The following TRIM42 variants were observed in gnomAD, a reference collection of about 807,000 sequenced individuals.
The protein encoded by TRIM42 is tripartite motif containing 42, also known as tripartite motif-containing protein 42.
In TRIM42, 59 loss-of-function variants were observed where a neutral mutation model predicts 64.9. The observed-to-expected ratio is 0.91, with a 90% confidence interval of 0.74 to 1.13. The LOEUF (loss-of-function observed/expected upper bound fraction) is 1.13. Ranked by LOEUF, TRIM42 falls within the 50% of genes most tolerant of loss-of-function variation. TRIM42 has a pLI of 0.00. For missense variants in TRIM42, 878 were observed against 929.5 expected (o/e 0.94, Z 0.72); for synonymous variants, 354 against 346.3 (o/e 1.02, Z -0.25).
At chr3:140,681,111 A>G (rs1359425211) in intron 1 of TRIM42, among the ~76,000 whole-genome samples, 2 of 152,220 alleles carry the variant, frequency 1.3e-5, no homozygotes, top group Non-Finnish European at 2.9e-5. Flanking sequence ...TGAATTTTAC[A>G]AGTATGCTTT....
At chr3:140,689,995 A>G (rs917778421) in intron 3 of TRIM42, among the ~76,000 whole-genome samples, 1 of 151,980 alleles carries the variant, frequency 6.6e-6, no homozygotes, top group Non-Finnish European at 1.5e-5. Flanking sequence ...CAAAAAAGAG[A>G]CCTACGCAAA....
At chr3:140,679,928 G>A (rs779005820) in intron 1 of TRIM42, among the ~76,000 whole-genome samples, 4 of 150,814 alleles carry the variant, frequency 2.7e-5, no homozygotes, top group Non-Finnish European at 4.4e-5. Context: ...CTGAGCATCT[G>A]AATTAATTAG....
At position 140,682,620 on chromosome 3, in the gene TRIM42, A is replaced by G. The variant is rs201945698; in HGVS notation, c.500A>G (p.Glu167Gly). 1 of 1,614,166 alleles carries G rather than the reference A, an allele frequency of 6.2e-7. No homozygotes were observed. Among genetic ancestry groups the G allele is most frequent in the East Asian group, 2.2e-5 (1 of 44,872 alleles). The change falls in exon 2 of 5, where the codon GAG (glutamate) becomes GGG (glycine). Residue 167 changes from glutamate to glycine, a missense_variant. Transcript: ENST00000286349. ...CTGCCCTGCAACCACAGCCTGTGCG[A>G]GAAGTGCCTGCGGCAGCTGCAGAAG... ...FMLPCNHSLC[E>G]KCLRQLQKHA...
At position 140,682,979 on chromosome 3, in the gene TRIM42, G is replaced by A. The variant is rs867368316; in HGVS notation, c.859G>A (p.Glu287Lys). The change falls in exon 2 of 5, where the codon GAG becomes AAG. Residue 287 changes from glutamate (E) to lysine (K), a missense_variant. Glu to Lys is a moderately conservative substitution (Grantham distance 56). Transcript: ENST00000286349. The part of the protein sequence containing the change: ...FVDTSAEEQD[E>K]KICIHHPSSR... ...GGACACCAGCGCCGAGGAACAGGACGAGAAGATCTGCATCCACCACCCATC... is the reference window on the plus strand; with the variant it reads ...GGACACCAGCGCCGAGGAACAGGACAAGAAGATCTGCATCCACCACCCATC... The A allele has an allele frequency of 2.1e-5, 34 of 1,614,208 alleles. No homozygotes were observed. The highest frequency in any genetic ancestry group is 2.8e-5 in the Non-Finnish European group (33 of 1,180,042).
chr3:140,691,277 T>C, intron 4 of TRIM42, 85 bp downstream of exon 4: 7 of 1,127,296 alleles, frequency 6.2e-6, no homozygotes, highest in South Asian at 2.7e-5. Context: ...CGTGAGATTA[T>C]AGAACTCACT....
At chr3:140,698,831 T>C (rs1410464462) in intron 4 of TRIM42, among the ~76,000 whole-genome samples, 1 of 152,144 alleles carries the variant, frequency 6.6e-6, no homozygotes, top group African/African-American at 2.4e-5. Context: ...AATGATGGTT[T>C]TATCTGTTTA....
chr3:140,680,386 C>T (rs1194483503), intron 1 of TRIM42, among the ~76,000 whole-genome samples: 1 of 152,060 alleles, frequency 6.6e-6, no homozygotes, highest in East Asian at 1.9e-4. Flanking sequence ...ATCTTTTTGT[C>T]ACTTCCTTTT....
At chr3:140,684,793 T>A (rs898748821) in intron 2 of TRIM42, among the ~76,000 whole-genome samples, 6 of 152,192 alleles carry the variant, frequency 3.9e-5, no homozygotes, top group African/African-American at 1.4e-4. Flanking sequence ...ACTCACTGCC[T>A]CCCTAGGCCA....
At chr3:140,686,213 T>G (rs1988541032) in intron 2 of TRIM42, among the ~76,000 whole-genome samples, 1 of 152,172 alleles carries the variant, frequency 6.6e-6, no homozygotes. Context: ...AACTATTGAA[T>G]AGTCAAAGAA....
rs75834227 is a variant in TRIM42, at chr3:140,689,539, C to T, written c.1860+997C>T. On this transcript the variant is annotated intron_variant, in intron 3 of 4. Coordinates refer to ENST00000286349, the MANE Select transcript of TRIM42 (RefSeq NM_152616.5). ...GTTCTCACAAACTTCCAGGTACTGCCAATGCTGCTGTCTACAGACTACACT... is the reference window on the plus strand; with the variant it reads ...GTTCTCACAAACTTCCAGGTACTGCTAATGCTGCTGTCTACAGACTACACT... 8.2e-3 allele frequency among the ~76,000 whole-genome samples: 1,244 copies of T among 152,104 alleles called. 7 individuals carry two copies. Among genetic ancestry groups the T allele is most frequent in the Non-Finnish European group, 0.014 (935 of 67,986 alleles).
intron 4 of TRIM42, among the ~76,000 whole-genome samples, chr3:140,698,582 T>C (rs1988916862): frequency 6.6e-6 from 1 of 152,162 alleles, no homozygotes; most frequent in African/African-American, 2.4e-5. Context: ...TTTGTATACA[T>C]ATGTCAAAAC....
chr3:140,686,304 C>G (rs551905831), intron 2 of TRIM42, among the ~76,000 whole-genome samples: 1 of 152,296 alleles, frequency 6.6e-6, no homozygotes, highest in South Asian at 2.1e-4. Flanking sequence ...GCACTGAAAT[C>G]GGACCCTGGT....
chr3:140,696,879 C>T (rs755172521), intron 4 of TRIM42, among the ~76,000 whole-genome samples: 7 of 152,118 alleles, frequency 4.6e-5, no homozygotes, highest in Non-Finnish European at 7.4e-5. Flanking sequence ...GGGGTTAGGG[C>T]TTTGACATAT....
intron 4 of TRIM42, among the ~76,000 whole-genome samples, chr3:140,699,777 C>A (rs560635152): frequency 6.6e-6 from 1 of 152,302 alleles, no homozygotes; most frequent in African/African-American, 2.4e-5. Flanking sequence ...CATTTCTACT[C>A]AGCAATGGAT....
rs146006015 is a variant in TRIM42, at chr3:140,682,884, G to C, written c.764G>C (p.Arg255Pro). 25 of 1,614,020 alleles carry C rather than the reference G, an allele frequency of 1.5e-5. No homozygotes were observed. Among genetic ancestry groups the C allele is most frequent in the South Asian group, 2.2e-5 (2 of 91,082 alleles). ...GCTTACAAGCGCTGCATCACCTGCC[G>C]CCTCAACCTGTGCAACGACTGCCTC... Reference protein sequence around the residue: ...RIAYKRCITCRLNLCNDCLKA... With the variant: ...RIAYKRCITCPLNLCNDCLKA... The change falls in exon 2 of 5, where the codon CGC (arginine) becomes CCC (proline). Residue 255 changes from arginine to proline, a missense_variant. Transcript: ENST00000286349.
intron 4 of TRIM42, among the ~76,000 whole-genome samples, chr3:140,699,007 T>A (rs1309871721): frequency 7.1e-6 from 1 of 141,514 alleles, no homozygotes; most frequent in Non-Finnish European, 1.6e-5. Flanking sequence ...TGGTATATAA[T>A]CCTTATTAAG....
chr3:140,695,037 G>A (rs1256183374), intron 4 of TRIM42, among the ~76,000 whole-genome samples: 1 of 152,090 alleles, frequency 6.6e-6, no homozygotes, highest in Non-Finnish European at 1.5e-5. Flanking sequence ...TTGAAGCCAG[G>A]AGTTTGAGAC....
chr3:140,696,962 G>A (rs1988868143), intron 4 of TRIM42, among the ~76,000 whole-genome samples: 1 of 151,986 alleles, frequency 6.6e-6, no homozygotes, highest in African/African-American at 2.4e-5. Context: ...TTGACATGTG[G>A]GTACTTAATT....
chr3:140,688,189 T>C lies in TRIM42; in HGVS notation c.1507T>C (p.Ser503Pro). Reference protein sequence around the residue: ...GPKKVRSSGDSLPSPYPVHSE... With the variant: ...GPKKVRSSGDPLPSPYPVHSE... Reference sequence around the variant, plus strand: ...CAAGAAGGTACGCTCCTCAGGGGACTCCCTGCCCTCCCCCTACCCCGTGCA... The same window carrying C: ...CAAGAAGGTACGCTCCTCAGGGGACCCCCTGCCCTCCCCCTACCCCGTGCA... The change falls in exon 3 of 5, where the codon TCC (serine) becomes CCC (proline). Residue 503 changes from serine to proline, a missense_variant. Transcript: ENST00000286349. 6.2e-7 allele frequency: 1 copy of C among 1,614,132 alleles called. No homozygotes were observed. Among genetic ancestry groups the C allele is most frequent in the South Asian group, 1.1e-5 (1 of 91,078 alleles).
Sources: gnomAD v4.1 joint callset for allele counts (sites outside exome capture counted in the v4.1 genomes callset) on GRCh38, gnomAD v4.1.1 for gene constraint, MANE v1.5 for transcripts, NCBI Gene and HGNC (gene_info 2026-07-23, HGNC 2026-07-21) for gene names.